Variants in P4HB observed in about 807,000 individuals in gnomAD.
The protein encoded by P4HB is protein disulfide-isomerase.
Under a neutral mutation model 52.6 loss-of-function variants are expected in P4HB, and 20 were observed. The observed-to-expected ratio is 0.38, with a 90% CI of 0.27 to 0.55. P4HB has a LOEUF of 0.55. P4HB is among the 20% of genes least tolerant of loss of function. P4HB has a pLI of 0.74. For missense variants in P4HB, 601 were observed against 669.2 expected, an observed-to-expected ratio of 0.90 and a Z score of 1.12; for synonymous variants, 296 against 277.9, an observed-to-expected ratio of 1.07 and a Z score of -0.65.
intron 2 of P4HB, among the ~76,000 whole-genome samples, chr17:81,857,206 T>C (rs1169047850): frequency 1.3e-5 from 2 of 152,150 alleles, no homozygotes; most frequent in African/African-American, 4.8e-5. Context: ...TGGAGTGCGG[T>C]GGCACGATCT....
At chr17:81,857,780 T>C (rs148178888) in intron 2 of P4HB, among the ~76,000 whole-genome samples, 11 of 152,308 alleles carry the variant, frequency 7.2e-5, no homozygotes, top group African/African-American at 2.6e-4. Flanking sequence ...TAAGGAATGA[T>C]GCCTCTCCTT....
At chr17:81,859,598 C>T in intron 1 of P4HB, 2 of 578,194 alleles carry the variant, frequency 3.5e-6, no homozygotes, top group East Asian at 2.9e-5. Flanking sequence ...AAACTACCAC[C>T]AACCAACACC....
chr17:81,853,812 C>T (rs1045439388), intron 4 of P4HB, among the ~76,000 whole-genome samples: 3 of 152,170 alleles, frequency 2.0e-5, no homozygotes, highest in African/African-American at 4.8e-5. Flanking sequence ...CTCCTATCCA[C>T]ACTACCCTGG....
intron 1 of P4HB, 33 bp downstream of exon 1, chr17:81,860,294 G>C (rs2143375636): frequency 7.1e-7 from 1 of 1,406,786 alleles, no homozygotes; most frequent in Non-Finnish European, 9.3e-7. Context: ...CAGCGGCCCC[G>C]AGCCCCGCCC....
rs1397547676 is a variant in P4HB at position 81,847,026 on chromosome 17, A to G, written c.776T>C (p.Leu259Pro). Residue 259 changes from leucine (L) to proline (P), a missense_variant, in exon 6 of 11, where the codon CTG becomes CCG. By Grantham distance (98) the Leu-to-Pro change is moderately conservative (BLOSUM62 -3). Coordinates refer to ENST00000331483, the MANE Select transcript of P4HB (RefSeq NM_000918.4). ...GTCAGACACACTCTTGGGCAAGAAC[A>G]GCAGGATGTGAGTCTTGATTTCACC... is the stretch of plus-strand genomic sequence containing the variant. ...FGGEIKTHIL[L>P]FLPKSVSDYD... 6.2e-7 allele frequency: 1 copy of G among 1,614,086 alleles called. No individual in the cohort carries two copies.
chr17:81,845,197 C>T lies in P4HB; in HGVS notation c.1393G>A (p.Gly465Ser). Residue 465 changes from glycine to serine, a missense_variant, in exon 10 of 11, where the codon GGT becomes AGT. Gly to Ser is a moderately conservative substitution (Grantham distance 56). Transcript: ENST00000331483. ...CCGCTCTCCAGGAATTTCTTAAAAC[C>T]ATCCAGCGTGCGTTCCCCGTTGTAA... Reference protein sequence around the residue: ...IDYNGERTLDGFKKFLESGGQ... With the variant: ...IDYNGERTLDSFKKFLESGGQ... The T allele has an allele frequency of 6.2e-7, 1 of 1,613,974 alleles. No individual in the cohort carries two copies. The highest frequency in any genetic ancestry group is 1.7e-5 in the Admixed American group (1 of 60,018).
At position 81,843,335 on chromosome 17, in the gene P4HB, C is replaced by T; in HGVS notation, c.*677G>A. 1 of 396,684 alleles carries T rather than the reference C, an allele frequency of 2.5e-6. No homozygotes were observed. Among genetic ancestry groups the T allele is most frequent in the Non-Finnish European group, 4.4e-6 (1 of 225,430 alleles). 24.6% of individuals were successfully genotyped at this position (396,684 alleles called of 1,614,324 possible). A position where few individuals can be genotyped will look rare whatever the true frequency, so the allele number is the denominator to read the frequency against. ...GGCCACAGGCCGTGCTGTAGAGAGG[C>T]CAGTGGTCACAATGAGCCCACGACA... On this transcript the variant is annotated 3_prime_UTR_variant, in exon 11 of 11. Coordinates refer to ENST00000331483, the MANE Select transcript of P4HB (RefSeq NM_000918.4).
intron 2 of P4HB, chr17:81,856,071 G>A (rs1419343710): frequency 3.9e-5 from 6 of 153,356 alleles, no homozygotes; most frequent in East Asian, 1.9e-4. Flanking sequence ...GTTTTGCCAC[G>A]TTGCCCAGGC....
intron 9 of P4HB, 52 bp from the exon 10 acceptor site, chr17:81,845,282 T>A: frequency 7.0e-7 from 1 of 1,421,380 alleles, no homozygotes; most frequent in Non-Finnish European, 9.9e-7. Context: ...AGAGCCAATC[T>A]CCTGGCATTG....
At chr17:81,848,762 A>T (rs1202234648) in intron 4 of P4HB, among the ~76,000 whole-genome samples, 2 of 138,754 alleles carry the variant, frequency 1.4e-5, no homozygotes, top group African/African-American at 2.7e-5. Context: ...AAAAAAAAAA[A>T]GGCCAGGTGC....
At chr17:81,856,334 C>CTTTTTT (rs531626630) in intron 2 of P4HB, among the ~76,000 whole-genome samples, 1 of 130,910 alleles carries the variant, frequency 7.6e-6, no homozygotes, top group Non-Finnish European at 1.6e-5. Flanking sequence ...ACCCAACTAA[C>CTTTTTT]TTTTTTTTTT....
At chr17:81,858,716 C>T (rs2038953284) in intron 2 of P4HB, 1 of 189,860 alleles carries the variant, frequency 5.3e-6, no homozygotes, top group South Asian at 8.9e-5. Flanking sequence ...AAGCCTCAGC[C>T]CTTTGTCTGG....
At chr17:81,856,323 C>T (rs539787463) in intron 2 of P4HB, among the ~76,000 whole-genome samples, 1 of 151,172 alleles carries the variant, frequency 6.6e-6, no homozygotes, top group African/African-American at 2.4e-5. Flanking sequence ...TGTGCCACCA[C>T]ACCCAACTAA....
At position 81,860,375 on chromosome 17, in the gene P4HB, T is replaced by C. The variant is rs964507296; in HGVS notation, c.97A>G (p.Asn33Asp). ...EDHVLVLRKS[N>D]FAEALAAHKY... is the part of the protein sequence containing the mutation. Reference sequence around the variant, plus strand: ...TGGGCCGCCAGCGCCTCCGCGAAGTTGCTTTTCCGCAGCACCAGGACGTGG... The same window carrying C: ...TGGGCCGCCAGCGCCTCCGCGAAGTCGCTTTTCCGCAGCACCAGGACGTGG... Residue 33 changes from asparagine to aspartate, a missense_variant, in exon 1 of 11, where the codon AAC becomes GAC. Transcript: ENST00000331483. The C allele has an allele frequency of 6.8e-6, 10 of 1,474,054 alleles. No individual in the cohort carries two copies. Among genetic ancestry groups the C allele is most frequent in the South Asian group, 1.3e-5 (1 of 76,246 alleles). 91.3% of individuals were successfully genotyped at this position (1,474,054 alleles called of 1,614,324 possible).
chr17:81,848,610 C>T (rs1373912934), intron 4 of P4HB, among the ~76,000 whole-genome samples: 2 of 151,512 alleles, frequency 1.3e-5, no homozygotes, highest in Non-Finnish European at 2.9e-5. Flanking sequence ...GTGGCGGGCA[C>T]CTGTAATCCC....
At chr17:81,852,045 C>T (rs767174736) in intron 4 of P4HB, among the ~76,000 whole-genome samples, 2 of 152,110 alleles carry the variant, frequency 1.3e-5, no homozygotes, top group Non-Finnish European at 2.9e-5. Context: ...TAGCCAGGTG[C>T]GGTGGTGCAC....
At chr17:81,845,787 C>T (rs1357943805) in intron 8 of P4HB, 45 bp from the exon 9 acceptor site, 1 of 1,612,624 alleles carries the variant, frequency 6.2e-7, no homozygotes, top group Admixed American at 1.7e-5. Flanking sequence ...CACAAAGCCA[C>T]TGGCAGACGC....
chr17:81,855,663 C>T lies in P4HB; in HGVS notation c.353-77G>A. 6.5e-7 allele frequency: 1 copy of T among 1,529,486 alleles called. No individual in the cohort carries two copies. 94.7% of individuals were successfully genotyped at this position (1,529,486 alleles called of 1,614,324 possible). ...CCTGCCGCGCCTGCTCCCGTCTCTG[C>T]TCTCTGCCAGCCAGGCTGAGGACAC... On this transcript the variant is annotated intron_variant, in intron 2 of 10. Transcript: ENST00000331483. This position sits in a 1 kb window ranked among gnomAD's most constrained non-coding sequence, Gnocchi z 4.3.
intron 4 of P4HB, chr17:81,847,676 AT>A: frequency 2.9e-6 from 1 of 349,836 alleles, no homozygotes; most frequent in Non-Finnish European, 5.4e-6. Flanking sequence ...GGTCAAAGCT[AT>A]TTTCTTTTTT....
Sources: gnomAD v4.1 joint callset for allele counts (sites outside exome capture counted in the v4.1 genomes callset) on GRCh38, gnomAD v4.1.1 for gene constraint, Gnocchi (gnomAD v3.1) non-coding constraint, MANE v1.5 for transcripts, NCBI Gene and HGNC (gene_info 2026-07-23, HGNC 2026-07-21) for gene names.